GFER: variants seen among roughly 807,000 people sequenced by gnomAD.
GFER encodes FAD-linked sulfhydryl oxidase ALR.
GFER carries 24 observed loss-of-function variants against 18.2 expected under a neutral mutation model. The ratio of observed to expected loss-of-function variants is 1.32; its 90% CI spans 0.96 to 1.86. The LOEUF is 1.86. Ranked by LOEUF, GFER falls within the 40% of genes most tolerant of loss-of-function variation. The pLI, the probability that GFER is intolerant of heterozygous loss-of-function variation, is 0.00. For missense variants in GFER, 316 were observed against 295.6 expected (o/e 1.07, Z -0.51); for synonymous variants, 138 against 126.9 (o/e 1.09, Z -0.59).
In GFER at chr16:1,985,019, G is replaced by A. The variant is rs2083556533; in HGVS notation, c.455+76G>A. 4 of 1,166,166 alleles carry A rather than the reference G, an allele frequency of 3.4e-6. No homozygotes were observed. In the South Asian group the frequency reaches 4.9e-5, roughly 14 times the overall value. 72.2% of individuals were successfully genotyped at this position (1,166,166 alleles called of 1,614,324 possible). On this transcript the variant is annotated intron_variant, in intron 2 of 2. Transcript: ENST00000248114. ...GGCTCCTGGCTGACGTTATAGCGGG[G>A]AACGTAGAGAAACGGATGCAGAGGT...
rs1597063579 is a variant in GFER at position 1,985,128 on chromosome 16, A to G, written c.455+185A>G. 5 of 655,612 alleles carry G rather than the reference A, an allele frequency of 7.6e-6. No individual in the cohort carries two copies. In the East Asian group the frequency reaches 1.1e-4, roughly 14 times the overall value. 40.6% of individuals were successfully genotyped at this position (655,612 alleles called of 1,614,324 possible). A position where few individuals can be genotyped will look rare whatever the true frequency, so the allele number is the denominator to read the frequency against. On this transcript the variant is annotated intron_variant, in intron 2 of 2. Transcript: ENST00000248114. ...CCTCCTCCTCTCGTCTCAGAAGCCA[A>G]GCTGTCGGGATCTGCTGCTGGGTAC...
chr16:1,987,161 T>C lies in GFER; in HGVS notation c.*1133T>C. 1 of 151,276 alleles carries C rather than the reference T, an allele frequency of 6.6e-6. No individual in the cohort carries two copies. Among genetic ancestry groups the C allele is most frequent in the East Asian group, 2.0e-4 (1 of 5,070 alleles). The allele number at this position is 151,276 out of a possible 1,614,324, so 9.4% of individuals were successfully genotyped here. On this transcript the variant is annotated 3_prime_UTR_variant, in exon 3 of 3. Transcript: ENST00000248114. ...GTTAAAGGGAGAGCCAGAGAACTCA[T>C]GGGGTGAGGATGGAGTCCGAGGAGA...
At chr16:1,985,737 G>A in intron 2 of GFER, 129 bp from the exon 3 acceptor site, 1 of 878,850 alleles carries the variant, frequency 1.1e-6, no homozygotes, top group Non-Finnish European at 1.9e-6. Context: ...GTACCTTGGA[G>A]CATAAGGGCA....
chr16:1,984,592 A>C, intron 1 of GFER, 116 bp downstream of exon 1: 1 of 1,391,142 alleles, frequency 7.2e-7, no homozygotes, highest in South Asian at 1.2e-5. Context: ...CCCCCCGGGT[A>C]GGCCCGGCCT....
chr16:1,984,339 C>A lies in GFER; in HGVS notation c.121C>A (p.Arg41=). 1.3e-6 allele frequency: 2 copies of A among 1,502,028 alleles called. No individual in the cohort carries two copies. Among genetic ancestry groups the A allele is most frequent in the Non-Finnish European group, 1.8e-6 (2 of 1,133,040 alleles). The allele number at this position is 1,502,028 out of a possible 1,614,324, so 93.0% of individuals were successfully genotyped here. ...ATDARGRGAG[R]RDAAASASTP... Reference sequence around the variant, plus strand: ...CGACGCGCGGGGCCGGGGCGCGGGGCGGAGAGACGCGGCCGCCTCGGCCTC... The same window carrying A: ...CGACGCGCGGGGCCGGGGCGCGGGGAGGAGAGACGCGGCCGCCTCGGCCTC... The change falls in exon 1 of 3, where the codon CGG becomes AGG. Residue 41 remains arginine (R), a synonymous_variant. Transcript: ENST00000248114.
In GFER at chr16:1,984,804, A is replaced by T. The variant is rs1341855876; in HGVS notation, c.316A>T (p.Ser106Cys). ...PPDREELGRH[S>C]WAVLHTLAAY... is the part of the protein sequence containing the mutation. ...GGATCGCGAGGAACTGGGCCGCCAC[A>T]GCTGGGCTGTCCTCCACACCCTGGC... Residue 106 changes from serine to cysteine, a missense_variant, in exon 2 of 3, where the codon AGC becomes TGC. Transcript: ENST00000248114. The T allele has an allele frequency of 6.2e-7, 1 of 1,613,096 alleles. No homozygotes were observed. The highest frequency in any genetic ancestry group is 8.5e-7 in the Non-Finnish European group (1 of 1,179,978).
rs2083572902 is a variant in GFER at position 1,987,487 on chromosome 16, TAAGAG to T, written c.*1461_*1465del. The stretch of plus-strand genomic sequence containing the variant: ...GCCCAGAGGGGCCAGGTGGCACAAA[TAAGAG>T]AGGGGAGATGGGGGGCAGCCAGGAG... On this transcript the variant is annotated 3_prime_UTR_variant, in exon 3 of 3. Coordinates refer to ENST00000248114, the MANE Select transcript of GFER (RefSeq NM_005262.3). 6.6e-6 allele frequency: 1 copy of T among 152,494 alleles called. No homozygotes were observed. Among genetic ancestry groups the T allele is most frequent in the African/African-American group, 2.4e-5 (1 of 41,420 alleles). The allele number at this position is 152,494 out of a possible 1,614,324, so 9.4% of individuals were successfully genotyped here. A position where few individuals can be genotyped will look rare whatever the true frequency, so the allele number is the denominator to read the frequency against.
chr16:1,984,523 C>T lies in GFER; in HGVS notation c.258+47C>T, dbSNP rs756774007. ...CTCCCAGCCCCGCGCAGCCCCTGTC[C>T]CCGCCCCCGCCCAGGTACCCCGGCA... On this transcript the variant is annotated intron_variant, in intron 1 of 2. Transcript: ENST00000248114. 17 of 1,534,538 alleles carry T rather than the reference C, an allele frequency of 1.1e-5. No individual in the cohort carries two copies. The South Asian group carries it at 1.5e-4, about 14-fold the overall frequency.
Position 1,987,297 on chromosome 16 carries a change from G to A in GFER, c.*1269G>A, listed in dbSNP as rs545901614. The A allele has an allele frequency of 6.6e-6, 1 of 152,550 alleles. No individual in the cohort carries two copies. Among genetic ancestry groups the A allele is most frequent in the African/African-American group, 2.4e-5 (1 of 41,586 alleles). 9.4% of individuals were successfully genotyped at this position (152,550 alleles called of 1,614,324 possible). A position where few individuals can be genotyped will look rare whatever the true frequency, so the allele number is the denominator to read the frequency against. Reference sequence around the variant, plus strand: ...CCCCAGCCAGAGCAGCCCAGCAACAGTGTGTCCTGTGGTCATAAAACTCCA... The same window carrying A: ...CCCCAGCCAGAGCAGCCCAGCAACAATGTGTCCTGTGGTCATAAAACTCCA... On this transcript the variant is annotated 3_prime_UTR_variant, in exon 3 of 3. Transcript: ENST00000248114.
At chr16:1,984,604 A>G in intron 1 of GFER, 128 bp downstream of exon 1, 1 of 1,373,904 alleles carries the variant, frequency 7.3e-7, no homozygotes, top group South Asian at 1.2e-5. Context: ...GCCCGGCCTT[A>G]CAGCCTTCAT....
intron 1 of GFER, 50 bp downstream of exon 1, chr16:1,984,526 G>A: frequency 1.3e-6 from 2 of 1,517,212 alleles, no homozygotes; most frequent in East Asian, 2.4e-5. Context: ...CCCTGTCCCC[G>A]CCCCCGCCCA....
chr16:1,985,796 C>A (rs578242774), intron 2 of GFER, 70 bp from the exon 3 acceptor site: 2 of 1,386,202 alleles, frequency 1.4e-6, no homozygotes, highest in South Asian at 2.3e-5. Context: ...TCCTTGACAG[C>A]AGACAGGGAA....
intron 2 of GFER, among the ~76,000 whole-genome samples, chr16:1,985,632 G>A (rs2083561391): frequency 6.6e-6 from 1 of 152,218 alleles, no homozygotes; most frequent in Non-Finnish European, 1.5e-5. Context: ...AGGCCTCGTT[G>A]GAGTTTGCCA....
chr16:1,985,434 T>A (rs1023087974), intron 2 of GFER, among the ~76,000 whole-genome samples: 2 of 152,108 alleles, frequency 1.3e-5, no homozygotes, highest in Non-Finnish European at 2.9e-5. Context: ...TAGAATGAAG[T>A]CTCTTGCTGA....
Position 1,986,125 on chromosome 16 carries a change from T to G in GFER, c.*97T>G. The G allele has an allele frequency of 7.6e-7, 1 of 1,324,266 alleles. No individual in the cohort carries two copies. Among genetic ancestry groups the G allele is most frequent in the Non-Finnish European group, 1.1e-6 (1 of 933,518 alleles). 82.0% of individuals were successfully genotyped at this position (1,324,266 alleles called of 1,614,324 possible). A position where few individuals can be genotyped will look rare whatever the true frequency, so the allele number is the denominator to read the frequency against. On this transcript the variant is annotated 3_prime_UTR_variant, in exon 3 of 3. Coordinates refer to ENST00000248114, the MANE Select transcript of GFER (RefSeq NM_005262.3). ...TGCATCACAGCCAGAGCCTGTTGTG[T>G]CTCAGTTGGGTGGTCCCCAGGACAC... is the stretch of plus-strand genomic sequence containing the variant.
chr16:1,984,559 G>T, intron 1 of GFER, 83 bp downstream of exon 1: 1 of 1,476,222 alleles, frequency 6.8e-7, no homozygotes, highest in Admixed American at 1.9e-5. Flanking sequence ...GAGCTTCCCA[G>T]GGTTGCCTGT....
chr16:1,986,585 T>G lies in GFER; in HGVS notation c.*557T>G, dbSNP rs2150896046. 5.1e-6 allele frequency: 1 copy of G among 197,196 alleles called. No individual in the cohort carries two copies. The highest frequency in any genetic ancestry group is 1.2e-4 in the East Asian group (1 of 8,464). The allele number at this position is 197,196 out of a possible 1,614,324, so 12.2% of individuals were successfully genotyped here. A position where few individuals can be genotyped will look rare whatever the true frequency, so the allele number is the denominator to read the frequency against. On this transcript the variant is annotated 3_prime_UTR_variant, in exon 3 of 3. Transcript: ENST00000248114. ...ACCCTCTCCCTGCCTGGCACATGCCTGCCAGCGTTGTGTCATGCCTGTCCA... is the reference window on the plus strand; with the variant it reads ...ACCCTCTCCCTGCCTGGCACATGCCGGCCAGCGTTGTGTCATGCCTGTCCA...
chr16:1,985,756 TGTAGTTCACA>T lies in GFER; in HGVS notation c.456-108_456-99del, dbSNP rs946215701. ...CTTGGAGCATAAGGGCACTCCCAGG[TGTAGTTCACA>T]GCAGTGCCCCAGCTCTCCTTCCTTG... On this transcript the variant is annotated intron_variant, in intron 2 of 2. Transcript: ENST00000248114. 4.0e-6 allele frequency: 4 copies of T among 995,754 alleles called. No homozygotes were observed. In the African/African-American group the frequency reaches 6.4e-5, roughly 16 times the overall value. 61.7% of individuals were successfully genotyped at this position (995,754 alleles called of 1,614,324 possible). A position where few individuals can be genotyped will look rare whatever the true frequency, so the allele number is the denominator to read the frequency against.
rs766093278 is a variant in GFER at position 1,987,488 on chromosome 16, AAG to A, written c.*1465_*1466del. The A allele has an allele frequency of 1.3e-5, 2 of 152,468 alleles. No individual in the cohort carries two copies. The highest frequency in any genetic ancestry group is 1.9e-4 in the East Asian group (1 of 5,192). 9.4% of individuals were successfully genotyped at this position (152,468 alleles called of 1,614,324 possible). A position where few individuals can be genotyped will look rare whatever the true frequency, so the allele number is the denominator to read the frequency against. On this transcript the variant is annotated 3_prime_UTR_variant, in exon 3 of 3. Coordinates refer to ENST00000248114, the MANE Select transcript of GFER (RefSeq NM_005262.3). ...CCCAGAGGGGCCAGGTGGCACAAAT[AAG>A]AGAGGGGAGATGGGGGGCAGCCAGG...
Sources: gnomAD v4.1 joint callset for allele counts (sites outside exome capture counted in the v4.1 genomes callset) on GRCh38, gnomAD v4.1.1 for gene constraint, MANE v1.5 for transcripts, NCBI Gene and HGNC (gene_info 2026-07-23, HGNC 2026-07-21) for gene names.